Variants in CERS5 observed in about 807,000 individuals in gnomAD.
CERS5 encodes LAG1 homolog, ceramide synthase 5.
In CERS5, 37 loss-of-function variants were observed where a neutral mutation model predicts 58.9. The ratio of observed to expected loss-of-function variants is 0.63; its 90% confidence interval spans 0.48 to 0.83. The LOEUF is 0.83. CERS5 is among the 40% of genes least tolerant of loss of function. CERS5 has a pLI of 0.00. For synonymous variants in CERS5, 147 were observed against 177.8 expected (o/e 0.83, Z 1.38); for missense variants, 398 against 489.3 (o/e 0.81, Z 1.76).
chr12:50,138,702 G>T, intron 4 of CERS5, 85 bp from the exon 5 acceptor site: 1 of 1,230,686 alleles, frequency 8.1e-7, no homozygotes, highest in Non-Finnish European at 1.2e-6. Flanking sequence ...CTTCTCTCTA[G>T]GCTGGGGCAA....
intron 1 of CERS5, among the ~76,000 whole-genome samples, chr12:50,150,800 TAAAG>T (rs1396034525): frequency 6.6e-6 from 1 of 151,978 alleles, no homozygotes; most frequent in Non-Finnish European, 1.5e-5. Flanking sequence ...TCCAGTAAAA[TAAAG>T]ACTCTAAAAC....
At position 50,130,315 on chromosome 12, in the gene CERS5, C is replaced by CAACA. The variant is rs1565759182; in HGVS notation, c.*226_*229dup. On this transcript the variant is annotated 3_prime_UTR_variant, in exon 10 of 10. Transcript: ENST00000317551. The stretch of plus-strand genomic sequence containing the variant: ...CTCACGCATATGCACAAACGCACAT[C>CAACA]AACAAACACACAAAAACACACAGAG... 1.7e-5 allele frequency: 7 copies of CAACA among 400,392 alleles called. No individual in the cohort carries two copies. Among genetic ancestry groups the CAACA allele is most frequent in the Middle Eastern group, 6.6e-4 (1 of 1,520 alleles). 24.8% of individuals were successfully genotyped at this position (400,392 alleles called of 1,614,324 possible).
intron 4 of CERS5, among the ~76,000 whole-genome samples, chr12:50,139,871 A>C (rs999270037): frequency 1.8e-4 from 27 of 151,954 alleles, no homozygotes; most frequent in African/African-American, 5.8e-4. Context: ...CCACTTACTT[A>C]CTTTATTATC....
At chr12:50,136,727 G>C (rs1198590928) in intron 6 of CERS5, among the ~76,000 whole-genome samples, 1 of 152,136 alleles carries the variant, frequency 6.6e-6, no homozygotes, top group African/African-American at 2.4e-5. Flanking sequence ...GCTTTAATGA[G>C]AGAAACGTCA....
chr12:50,155,714 G>A (rs1470492513), intron 1 of CERS5, among the ~76,000 whole-genome samples: 2 of 118,648 alleles, frequency 1.7e-5, no homozygotes, highest in Non-Finnish European at 3.2e-5. Flanking sequence ...TCCAGCCTGG[G>A]CGACAGAGCG....
At chr12:50,136,503 A>T (rs1951707390) in intron 6 of CERS5, among the ~76,000 whole-genome samples, 1 of 152,006 alleles carries the variant, frequency 6.6e-6, no homozygotes, top group Admixed American at 6.6e-5. Context: ...CATTCTGCTT[A>T]GACTCTCCCT....
chr12:50,130,751 G>A, intron 9 of CERS5, 57 bp from the exon 10 acceptor site: 5 of 1,488,114 alleles, frequency 3.4e-6, no homozygotes, highest in Non-Finnish European at 4.6e-6. Flanking sequence ...AGACACCTAA[G>A]CTCAGAGACC....
At chr12:50,152,063 G>A (rs1565794141) in intron 1 of CERS5, among the ~76,000 whole-genome samples, 1 of 152,092 alleles carries the variant, frequency 6.6e-6, no homozygotes, top group Non-Finnish European at 1.5e-5. Context: ...TTCACTTAGA[G>A]GTTCTTTTCG....
At chr12:50,161,156 C>T (rs1939228626) in intron 1 of CERS5, among the ~76,000 whole-genome samples, 1 of 152,126 alleles carries the variant, frequency 6.6e-6, no homozygotes, top group African/African-American at 2.4e-5. Flanking sequence ...CAACAGAGGC[C>T]CACAAAGGCA....
intron 1 of CERS5, among the ~76,000 whole-genome samples, chr12:50,158,990 A>G (rs1239533899): frequency 6.6e-6 from 1 of 152,098 alleles, no homozygotes; most frequent in African/African-American, 2.4e-5. Flanking sequence ...AGGCAAAATT[A>G]TAGAGCAATG....
chr12:50,135,832 T>G lies in CERS5; in HGVS notation c.772A>C (p.Lys258Gln). The stretch of plus-strand genomic sequence containing the variant: ...TGATACTTGGCATAATTGGCCAGTT[T>G]GGCTGCCTGGAGAAAGGAAGAAAGA... Reference protein sequence around the residue: ...DVSDFLLEAAKLANYAKYQRL... With the variant: ...DVSDFLLEAAQLANYAKYQRL... The change falls in exon 8 of 10, where the codon AAA (lysine) becomes CAA (glutamine). Residue 258 changes from lysine (K) to glutamine (Q), a missense_variant. Physicochemically the swap from Lys to Gln is moderately conservative, Grantham distance 53. Transcript: ENST00000317551. The G allele has an allele frequency of 6.2e-7, 1 of 1,613,538 alleles. No homozygotes were observed. Among genetic ancestry groups the G allele is most frequent in the Non-Finnish European group, 8.5e-7 (1 of 1,179,798 alleles).
intron 1 of CERS5, among the ~76,000 whole-genome samples, chr12:50,156,181 C>T (rs1183530819): frequency 1.4e-5 from 2 of 147,946 alleles, no homozygotes; most frequent in African/African-American, 5.0e-5. Context: ...GCGGGTGGAT[C>T]ACAAGGTCAG....
intron 8 of CERS5, among the ~76,000 whole-genome samples, chr12:50,135,132 G>A: frequency 1.2e-5 from 1 of 83,006 alleles, no homozygotes; most frequent in Non-Finnish European, 2.3e-5. Context: ...GAGAGGAGAG[G>A]GAGGGAGAGA....
At chr12:50,135,218 AGAGAGAGGAGGACAGGGAGG>A (rs1951599785) in intron 8 of CERS5, among the ~76,000 whole-genome samples, 1 of 65,594 alleles carries the variant, frequency 1.5e-5, no homozygotes, top group African/African-American at 6.6e-5. Context: ...AGAGGGAGGG[AGAGAGAGGAGGACAGGGAGG>A]GAGAGAGAGA....
chr12:50,141,954 A>AG (rs1369593404), intron 4 of CERS5, 99 bp downstream of exon 4: 20 of 764,988 alleles, frequency 2.6e-5, no homozygotes, highest in African/African-American at 3.7e-5. Flanking sequence ...AAAAAAAAAA[A>AG]AAAAGAAAAG....
At chr12:50,131,877 G>C (rs1951347005) in intron 9 of CERS5, among the ~76,000 whole-genome samples, 1 of 151,834 alleles carries the variant, frequency 6.6e-6, no homozygotes, top group South Asian at 2.1e-4. Context: ...GAGGAGGACA[G>C]CTTGAGCCCA....
chr12:50,162,206 T>A (rs868429199), intron 1 of CERS5, among the ~76,000 whole-genome samples: 24 of 145,286 alleles, frequency 1.7e-4, no homozygotes, highest in South Asian at 4.4e-4. Flanking sequence ...TTTTTTTTTT[T>A]AAATGTATAT....
At position 50,140,284 on chromosome 12, in the gene CERS5, A is replaced by ATTTTTTTTTTTT. The variant is rs57651378; in HGVS notation, c.493-1679_493-1668dup. The stretch of plus-strand genomic sequence containing the variant: ...TTGAGAAGAGTTGTTTAACTTCCAA[A>ATTTTTTTTTTTT]TTTTTTTTTTTTTTTTTTTTTTTTT... On this transcript the variant is annotated intron_variant, in intron 4 of 9. Coordinates refer to ENST00000317551, the MANE Select transcript of CERS5 (RefSeq NM_147190.5). Among the ~76,000 whole-genome samples the ATTTTTTTTTTTT allele has an allele frequency of 6.4e-4, 62 of 96,242 alleles. 4 individuals carry two copies. Among genetic ancestry groups the ATTTTTTTTTTTT allele is most frequent in the African/African-American group, 2.6e-3 (59 of 22,344 alleles). 63.1% of individuals were successfully genotyped at this position (96,242 alleles called of 152,430 possible).
At position 50,140,284 on chromosome 12, in the gene CERS5, A is replaced by ATTTTTTT. The variant is rs57651378; in HGVS notation, c.493-1674_493-1668dup. On this transcript the variant is annotated intron_variant, in intron 4 of 9. Coordinates refer to ENST00000317551, the MANE Select transcript of CERS5 (RefSeq NM_147190.5). ...TTGAGAAGAGTTGTTTAACTTCCAA[A>ATTTTTTT]TTTTTTTTTTTTTTTTTTTTTTTTT... is the stretch of plus-strand genomic sequence containing the variant. Among the ~76,000 whole-genome samples the ATTTTTTT allele has an allele frequency of 2.4e-3, 233 of 96,232 alleles. 12 individuals carry two copies. Among genetic ancestry groups the ATTTTTTT allele is most frequent in the African/African-American group, 7.1e-3 (158 of 22,344 alleles). 63.1% of individuals were successfully genotyped at this position (96,232 alleles called of 152,430 possible).
Sources: gnomAD v4.1 joint callset for allele counts (sites outside exome capture counted in the v4.1 genomes callset) on GRCh38, gnomAD v4.1.1 for gene constraint, MANE v1.5 for transcripts, NCBI Gene and HGNC (gene_info 2026-07-23, HGNC 2026-07-21) for gene names.